Variants in MYO1D observed in about 807,000 individuals in gnomAD.
MYO1D encodes the protein myosin ID, also known as unconventional myosin-Id.
MYO1D carries 83 observed loss-of-function variants against 122.0 expected under a neutral mutation model. The observed-to-expected ratio is 0.68, with a 90% CI of 0.57 to 0.82. The LOEUF is 0.82. Among genes scored for constraint, MYO1D ranks in the 40% least tolerant of loss-of-function variants. MYO1D has a pLI of 0.00. For missense variants in MYO1D, 1,157 were observed against 1,269.5 expected (o/e 0.91, Z 1.35); for synonymous variants, 464 against 446.9 (o/e 1.04, Z -0.48).
chr17:32,512,076 G>A (rs561159087), intron 21 of MYO1D, among the ~76,000 whole-genome samples: 14 of 152,182 alleles, frequency 9.2e-5, no homozygotes, highest in Admixed American at 7.2e-4. Flanking sequence ...CGAGGTGGGC[G>A]GATCACCTGA....
chr17:32,561,112 A>AT (rs2150890254), intron 21 of MYO1D, among the ~76,000 whole-genome samples: 1 of 151,644 alleles, frequency 6.6e-6, no homozygotes, highest in Admixed American at 6.6e-5. Flanking sequence ...GGGTTTCACC[A>AT]TGTTGGCCAG....
At chr17:32,719,777 C>A (rs1279026605) in intron 15 of MYO1D, among the ~76,000 whole-genome samples, 1 of 152,136 alleles carries the variant, frequency 6.6e-6, no homozygotes, top group Non-Finnish European at 1.5e-5. Context: ...TCACGCCTAG[C>A]CAAAATCTAA....
intron 16 of MYO1D, among the ~76,000 whole-genome samples, chr17:32,673,023 T>C (rs2088744107): frequency 6.6e-6 from 1 of 151,236 alleles, no homozygotes; most frequent in East Asian, 1.9e-4. Flanking sequence ...AGTCTCTTTA[T>C]TGGTTAGTTA....
intron 21 of MYO1D, among the ~76,000 whole-genome samples, chr17:32,569,392 C>T (rs141555159): frequency 6.6e-6 from 1 of 152,242 alleles, no homozygotes; most frequent in Non-Finnish European, 1.5e-5. Context: ...GCCTCTTGTA[C>T]TTTAACTTAC....
At chr17:32,543,612 T>C in intron 21 of MYO1D, among the ~76,000 whole-genome samples, 1 of 151,394 alleles carries the variant, frequency 6.6e-6, no homozygotes, top group South Asian at 2.1e-4. Context: ...AAAATAAAAA[T>C]AAAAATAAAT....
At chr17:32,642,765 G>A (rs2088221817) in intron 19 of MYO1D, among the ~76,000 whole-genome samples, 1 of 152,122 alleles carries the variant, frequency 6.6e-6, no homozygotes, top group Admixed American at 6.6e-5. Context: ...GATTTTTGAA[G>A]ACTGATTTTG....
intron 1 of MYO1D, among the ~76,000 whole-genome samples, chr17:32,832,580 G>A (rs1056228991): frequency 1.1e-4 from 16 of 152,116 alleles, no homozygotes; most frequent in African/African-American, 3.4e-4. Flanking sequence ...TTACAGGTGT[G>A]AGCCACTGGG....
At position 32,638,464 on chromosome 17, in the gene MYO1D, C is replaced by T. The variant is rs538920951; in HGVS notation, c.2709+258G>A. Among the ~76,000 whole-genome samples the T allele has an allele frequency of 1.4e-4, 22 of 152,312 alleles. 1 individual carries two copies. Among genetic ancestry groups the T allele is most frequent in the African/African-American group, 5.3e-4 (22 of 41,564 alleles). On this transcript the variant is annotated intron_variant, in intron 20 of 21. Coordinates refer to ENST00000318217, the MANE Select transcript of MYO1D (RefSeq NM_015194.3). ...TGCATTATACGCCAGTGCATTTAAA[C>T]AGTGGATCAGGAATAGAGAAAGATC...
chr17:32,541,152 T>A (rs954128643), intron 21 of MYO1D, among the ~76,000 whole-genome samples: 1 of 152,188 alleles, frequency 6.6e-6, no homozygotes, highest in Admixed American at 6.5e-5. Flanking sequence ...GCAGCATTAT[T>A]CATAATAGCC....
rs189851284 is a variant in MYO1D, at chr17:32,781,563, C to T, written c.96-779G>A. Among the ~76,000 whole-genome samples, 51 of 151,908 alleles carry T rather than the reference C, an allele frequency of 3.4e-4. No individual in the cohort carries two copies. The East Asian group carries it at 7.7e-3, about 23-fold the overall frequency. On this transcript the variant is annotated intron_variant, in intron 1 of 21. Coordinates refer to ENST00000318217, the MANE Select transcript of MYO1D (RefSeq NM_015194.3). ...AAATAGGGTTAAAAATCTAATCATA[C>T]GTATTTGTATCTGTACACAGATATA...
At chr17:32,519,739 A>T (rs192594332) in intron 21 of MYO1D, among the ~76,000 whole-genome samples, 1 of 152,054 alleles carries the variant, frequency 6.6e-6, no homozygotes, top group Admixed American at 6.5e-5. Context: ...GGCTTAGATC[A>T]TCTGCTGGCA....
rs1323385380 is a variant in MYO1D at position 32,771,112 on chromosome 17, A to AGGAAAT, written c.714+7_714+12dup. 10 of 1,560,306 alleles carry AGGAAAT rather than the reference A, an allele frequency of 6.4e-6. No individual in the cohort carries two copies. Among genetic ancestry groups the AGGAAAT allele is most frequent in the Non-Finnish European group, 8.8e-6 (10 of 1,132,214 alleles). On this transcript the variant is annotated intron_variant, in intron 6 of 21. Transcript: ENST00000318217. Reference sequence around the variant, plus strand: ...ATTTTCTATTGGAGCAATCTCAAAGAGGAAATTCTCACCTTTAATTGAGCT... The same window carrying AGGAAAT: ...ATTTTCTATTGGAGCAATCTCAAAGAGGAAATGGAAATTCTCACCTTTAATTGAGCT...
intron 1 of MYO1D, among the ~76,000 whole-genome samples, chr17:32,841,964 G>C (rs1348119337): frequency 6.6e-6 from 1 of 151,984 alleles, no homozygotes; most frequent in Non-Finnish European, 1.5e-5. Flanking sequence ...GAGAGAGAGA[G>C]AGCAGTCTAG....
intron 21 of MYO1D, among the ~76,000 whole-genome samples, chr17:32,542,612 C>T (rs931072711): frequency 2.7e-5 from 3 of 109,690 alleles, no homozygotes; most frequent in Non-Finnish European, 5.5e-5. Flanking sequence ...GGAGGTAACG[C>T]TAAAAAAAAA....
chr17:32,572,009 A>G (rs758973329), intron 21 of MYO1D, among the ~76,000 whole-genome samples: 9 of 152,186 alleles, frequency 5.9e-5, no homozygotes, highest in Non-Finnish European at 1.3e-4. Flanking sequence ...CTTGATATAT[A>G]TCCACTGACT....
At chr17:32,507,592 T>G (rs1233561774) in intron 21 of MYO1D, among the ~76,000 whole-genome samples, 1 of 152,050 alleles carries the variant, frequency 6.6e-6, no homozygotes, top group East Asian at 1.9e-4. Flanking sequence ...TGCAGTAAAA[T>G]TAGAAATCAA....
chr17:32,730,065 GTTTCTTCTT>G (rs1038954391), intron 14 of MYO1D, among the ~76,000 whole-genome samples: 1 of 147,052 alleles, frequency 6.8e-6, no homozygotes, highest in African/African-American at 2.5e-5. Flanking sequence ...ATGTTCTTTT[GTTTCTTCTT>G]TTTTATGTTT....
At chr17:32,536,765 T>C (rs1242866415) in intron 21 of MYO1D, among the ~76,000 whole-genome samples, 2 of 152,238 alleles carry the variant, frequency 1.3e-5, no homozygotes, top group Admixed American at 1.3e-4. Flanking sequence ...GAATTTTCCA[T>C]TCGATATCCT....
At chr17:32,706,189 C>T (rs570655078) in intron 16 of MYO1D, among the ~76,000 whole-genome samples, 2 of 152,244 alleles carry the variant, frequency 1.3e-5, no homozygotes, top group East Asian at 3.9e-4. Context: ...GTCACTGCAA[C>T]TTCTGCCTCC....
Sources: allele counts gnomAD v4.1 joint callset (sites outside exome capture counted in the v4.1 genomes callset), GRCh38; gene constraint gnomAD v4.1.1; transcripts MANE v1.5; gene names NCBI Gene and HGNC (gene_info 2026-07-23, HGNC 2026-07-21).